The following LCLAT1 variants were observed in gnomAD, a reference collection of about 807,000 sequenced individuals.
The protein encoded by LCLAT1 is lysocardiolipin acyltransferase 1.
LCLAT1 carries 11 observed loss-of-function variants against 30.7 expected under a neutral mutation model. The observed-to-expected ratio is 0.36, with a 90% confidence interval of 0.23 to 0.59. The LOEUF is 0.59. Ranked by LOEUF, LCLAT1 falls within the 20% of genes least tolerant of loss-of-function variation. The pLI, the probability that LCLAT1 is intolerant of heterozygous loss-of-function variation, is 0.77. For synonymous variants in LCLAT1, 155 were observed against 151.3 expected, an observed-to-expected ratio of 1.02 and a Z score of -0.18; for missense variants, 402 against 458.6, an observed-to-expected ratio of 0.88 and a Z score of 1.13.
chr2:30,625,659 C>T (rs1038500939), intron 5 of LCLAT1, among the ~76,000 whole-genome samples: 35 of 152,154 alleles, frequency 2.3e-4, no homozygotes, highest in Non-Finnish European at 4.4e-4. Flanking sequence ...CATATTTTTA[C>T]AGGGTTAATC....
chr2:30,555,779 G>T (rs1440522751), intron 3 of LCLAT1, among the ~76,000 whole-genome samples: 1 of 151,532 alleles, frequency 6.6e-6, no homozygotes, highest in Non-Finnish European at 1.5e-5. Context: ...AAGAAAATGG[G>T]GTATACAATT....
intron 5 of LCLAT1, among the ~76,000 whole-genome samples, chr2:30,622,154 C>T (rs1490614702): frequency 6.6e-6 from 1 of 152,088 alleles, no homozygotes; most frequent in East Asian, 1.9e-4. Flanking sequence ...TCCCTGGCGA[C>T]CTGTGTGACA....
chr2:30,451,668 T>C (rs1216711383), intron 1 of LCLAT1, among the ~76,000 whole-genome samples: 1 of 109,894 alleles, frequency 9.1e-6, no homozygotes, highest in African/African-American at 3.2e-5. Context: ...ATGAGTAAAT[T>C]GTGATATATT....
intron 5 of LCLAT1, among the ~76,000 whole-genome samples, chr2:30,581,669 A>C (rs1007541375): frequency 1.3e-5 from 2 of 152,170 alleles, no homozygotes; most frequent in Non-Finnish European, 2.9e-5. Flanking sequence ...AGAAAGATAA[A>C]TTCTGCATGG....
chr2:30,526,930 T>G (rs1218568782), intron 2 of LCLAT1, among the ~76,000 whole-genome samples: 1 of 152,196 alleles, frequency 6.6e-6, no homozygotes, highest in Admixed American at 6.5e-5. Context: ...TAAATTAGCT[T>G]TAAAGATATG....
rs75357090 is a variant in LCLAT1 at position 30,485,879 on chromosome 2, C to T, written c.-5+38496C>T. 8.3e-3 allele frequency among the ~76,000 whole-genome samples: 1,259 copies of T among 152,146 alleles called. 22 individuals carry two copies. The highest frequency in any genetic ancestry group is 0.029 in the African/African-American group (1,201 of 41,500). On this transcript the variant is annotated intron_variant, in intron 1 of 5. Coordinates refer to ENST00000379509, the MANE Select transcript of LCLAT1 (RefSeq NM_001002257.3). ...CTTTCTTAAACTCCCTTTTGGGCTT[C>T]GTATTTGTCATATATGTTATATGTT...
chr2:30,594,066 A>G (rs1180366470), intron 5 of LCLAT1, among the ~76,000 whole-genome samples: 2 of 152,140 alleles, frequency 1.3e-5, no homozygotes, highest in Non-Finnish European at 2.9e-5. Context: ...TAAAGTTTTC[A>G]TAGTTTCACA....
rs1393350873 is a variant in LCLAT1, at chr2:30,447,357, T to C, written c.-31T>C. The C allele has an allele frequency of 2.0e-5, 3 of 151,988 alleles. No individual in the cohort carries two copies. Among genetic ancestry groups the C allele is most frequent in the Non-Finnish European group, 2.9e-5 (2 of 68,060 alleles). The allele number at this position is 151,988 out of a possible 1,614,324, so 9.4% of individuals were successfully genotyped here. A position where few individuals can be genotyped will look rare whatever the true frequency, so the allele number is the denominator to read the frequency against. On this transcript the variant is annotated 5_prime_UTR_variant, in exon 1 of 6. Transcript: ENST00000379509. ...GCTTGCCCACGCACCCCACTCGGCG[T>C]CGCGCGGCGTGCCCTGCTTGTCACA...
At chr2:30,628,616 A>G (rs572748814) in intron 5 of LCLAT1, among the ~76,000 whole-genome samples, 1 of 152,174 alleles carries the variant, frequency 6.6e-6, no homozygotes, top group Non-Finnish European at 1.5e-5. Context: ...AGATATCTAT[A>G]TATGTGAGAA....
intron 1 of LCLAT1, among the ~76,000 whole-genome samples, chr2:30,474,665 T>C (rs1558461159): frequency 6.7e-6 from 1 of 148,244 alleles, no homozygotes; most frequent in Non-Finnish European, 1.5e-5. Context: ...TTTTTTTTTT[T>C]CTAAATAGGG....
intron 5 of LCLAT1, among the ~76,000 whole-genome samples, chr2:30,575,154 A>G (rs191684024): frequency 6.6e-6 from 1 of 151,866 alleles, no homozygotes; most frequent in African/African-American, 2.4e-5. Flanking sequence ...TGTTTTTTCC[A>G]CTTCAAACAG....
At chr2:30,525,859 ATATCC>A in intron 2 of LCLAT1, 104 bp downstream of exon 2, 1 of 938,988 alleles carries the variant, frequency 1.1e-6, no homozygotes, top group Non-Finnish European at 1.7e-6. Context: ...GTATTTGCAC[ATATCC>A]TAGGCACATC....
At position 30,577,086 on chromosome 2, in the gene LCLAT1, A is replaced by G. The variant is rs565321807; in HGVS notation, c.628+8910A>G. On this transcript the variant is annotated intron_variant, in intron 5 of 5. Coordinates refer to ENST00000379509, the MANE Select transcript of LCLAT1 (RefSeq NM_001002257.3). ...TATTTTGCATAGATTATATTTTTAT[A>G]TGTTATATAAAATTATATTAATATA... Among the ~76,000 whole-genome samples the G allele has an allele frequency of 6.7e-5, 10 of 149,898 alleles. No individual in the cohort carries two copies. The East Asian group carries it at 1.2e-3, about 17-fold the overall frequency.
intron 1 of LCLAT1, among the ~76,000 whole-genome samples, chr2:30,458,170 G>T (rs1681927969): frequency 6.6e-6 from 1 of 152,174 alleles, no homozygotes; most frequent in Non-Finnish European, 1.5e-5. Flanking sequence ...TTTCTAATAT[G>T]CAGTGACCTT....
chr2:30,621,009 G>A (rs1481502779), intron 5 of LCLAT1, among the ~76,000 whole-genome samples: 2 of 152,050 alleles, frequency 1.3e-5, no homozygotes, highest in African/African-American at 2.4e-5. Context: ...CTGAATCCAC[G>A]ATGATCTCAT....
chr2:30,522,840 G>A (rs764849149), intron 1 of LCLAT1, among the ~76,000 whole-genome samples: 29 of 152,222 alleles, frequency 1.9e-4, no homozygotes, highest in Non-Finnish European at 3.8e-4. Context: ...GCATGATATA[G>A]CAGAAGAAGC....
rs181911323 is a variant in LCLAT1, at chr2:30,448,390, A to G, written c.-5+1007A>G. 3.9e-5 allele frequency among the ~76,000 whole-genome samples: 6 copies of G among 152,322 alleles called. No homozygotes were observed. In the East Asian group the frequency reaches 1.2e-3, roughly 29 times the overall value. On this transcript the variant is annotated intron_variant, in intron 1 of 5. Coordinates refer to ENST00000379509, the MANE Select transcript of LCLAT1 (RefSeq NM_001002257.3). ...TGAGAGTAAGTAAAAATACATCATC[A>G]CTTTTTCGTTTAGGTTTCTGTTGCA... is the stretch of plus-strand genomic sequence containing the variant.
chr2:30,504,331 C>A, intron 1 of LCLAT1, among the ~76,000 whole-genome samples: 1 of 151,450 alleles, frequency 6.6e-6, no homozygotes, highest in South Asian at 2.1e-4. Flanking sequence ...AATAATTTTT[C>A]TGGCTGTGTC....
intron 1 of LCLAT1, among the ~76,000 whole-genome samples, chr2:30,466,597 G>A (rs917917813): frequency 2.0e-5 from 3 of 152,000 alleles, no homozygotes; most frequent in African/African-American, 7.2e-5. Flanking sequence ...TTTGATATGC[G>A]ATGTCTTTAT....
Sources: allele counts gnomAD v4.1 joint callset (sites outside exome capture counted in the v4.1 genomes callset), GRCh38; gene constraint gnomAD v4.1.1; transcripts MANE v1.5; gene names NCBI Gene and HGNC (gene_info 2026-07-23, HGNC 2026-07-21).